The following ANO3 variants were observed in gnomAD, a reference collection of about 807,000 sequenced individuals.
The protein encoded by ANO3 is anoctamin-3.
Under a neutral mutation model 144.8 loss-of-function variants are expected in ANO3, and 99 were observed. The observed-to-expected ratio is 0.68, with a 90% confidence interval of 0.58 to 0.81. The LOEUF (loss-of-function observed/expected upper bound fraction) is 0.81. Among genes scored for constraint, ANO3 ranks in the 30% least tolerant of loss-of-function variants. The pLI, the probability that ANO3 is intolerant of heterozygous loss-of-function variation, is 0.00. For missense variants in ANO3, 905 were observed against 1,202.2 expected (o/e 0.75, Z 3.66); for synonymous variants, 414 against 392.6 (o/e 1.05, Z -0.64).
At chr11:26,540,726 C>G (rs182194653) in intron 10 of ANO3, among the ~76,000 whole-genome samples, 3 of 152,212 alleles carry the variant, frequency 2.0e-5, no homozygotes, top group Non-Finnish European at 4.4e-5. Context: ...TAGAGAAATG[C>G]AAATCAAAAC....
At chr11:26,415,939 T>C (rs1857573417) in intron 1 of ANO3, among the ~76,000 whole-genome samples, 2 of 152,094 alleles carry the variant, frequency 1.3e-5, no homozygotes, top group South Asian at 4.1e-4. Context: ...TCCCTTGAGG[T>C]TTTTGACATT....
At chr11:26,259,449 A>G (rs1467886021) in intron 1 of ANO3, among the ~76,000 whole-genome samples, 2 of 151,946 alleles carry the variant, frequency 1.3e-5, no homozygotes, top group African/African-American at 4.8e-5. Flanking sequence ...AGAGATTGAG[A>G]CCATCCTGGC....
At chr11:26,386,732 C>T (rs1201316402) in intron 1 of ANO3, among the ~76,000 whole-genome samples, 1 of 152,082 alleles carries the variant, frequency 6.6e-6, no homozygotes, top group African/African-American at 2.4e-5. Flanking sequence ...ATTGCAAAGA[C>T]TTGAGAAGCA....
intron 1 of ANO3, among the ~76,000 whole-genome samples, chr11:26,264,386 AG>A (rs1372448412): frequency 6.6e-6 from 1 of 152,240 alleles, no homozygotes; most frequent in African/African-American, 2.4e-5. Context: ...AAAGAAGTTC[AG>A]GGAAACACAC....
intron 1 of ANO3, among the ~76,000 whole-genome samples, chr11:26,379,577 T>G (rs1856527525): frequency 1.3e-5 from 2 of 151,094 alleles, no homozygotes; most frequent in African/African-American, 4.9e-5. Context: ...AGCACAGGAG[T>G]TCAAGACCAG....
chr11:26,552,814 A>C (rs1238953636), intron 12 of ANO3, among the ~76,000 whole-genome samples: 4 of 152,086 alleles, frequency 2.6e-5, no homozygotes, highest in Non-Finnish European at 5.9e-5. Context: ...AACAATATGT[A>C]CTGCAGTGGG....
At position 26,403,296 on chromosome 11, in the gene ANO3, T is replaced by C. The variant is rs572778824; in HGVS notation, c.47-38622T>C. Reference sequence around the variant, plus strand: ...TCTTTTATTGCAATAATAGCAGTCATTGCTGATCATTGTATGGATTCATTA... The same window carrying C: ...TCTTTTATTGCAATAATAGCAGTCACTGCTGATCATTGTATGGATTCATTA... On this transcript the variant is annotated intron_variant, in intron 1 of 26. Transcript: ENST00000256737. Among the ~76,000 whole-genome samples, 48 of 152,040 alleles carry C rather than the reference T, an allele frequency of 3.2e-4. 1 individual carries two copies. Among genetic ancestry groups the C allele is most frequent in the Middle Eastern group, 3.4e-3 (1 of 294 alleles).
rs1554920730 is a variant in ANO3 at position 26,194,448 on chromosome 11, G to GTGTGTGTGTGTGTGTA, written c.154+5133_154+5134insATGTGTGTGTGTGTGT. The stretch of plus-strand genomic sequence containing the variant: ...TTTGTGGGTACATAGTGGTGTGTGT[G>GTGTGTGTGTGTGTGTA]TGTGTGTGTGTGTGTGTGTGTGTGT... On this transcript the variant is annotated intron_variant, in intron 1 of 27. Transcript: ENST00000672621. Among the ~76,000 whole-genome samples the GTGTGTGTGTGTGTGTA allele has an allele frequency of 3.7e-5, 5 of 136,956 alleles. No homozygotes were observed. The East Asian group carries it at 1.0e-3, about 28-fold the overall frequency. 89.8% of individuals were successfully genotyped at this position (136,956 alleles called of 152,430 possible).
intron 1 of ANO3, among the ~76,000 whole-genome samples, chr11:26,361,599 T>C (rs1484036198): frequency 6.6e-6 from 1 of 152,166 alleles, no homozygotes; most frequent in Non-Finnish European, 1.5e-5. Context: ...GTAATTAGGC[T>C]TCTTGTGTCA....
At chr11:26,307,991 T>G (rs1362343892), upstream of ANO3, among the ~76,000 whole-genome samples, 1 of 152,120 alleles carries the variant, frequency 6.6e-6, no homozygotes, top group Non-Finnish European at 1.5e-5. Flanking sequence ...TGTAATTTCC[T>G]TGGTCTACCC....
chr11:26,211,093 C>A (rs1281017463), intron 1 of ANO3, among the ~76,000 whole-genome samples: 1 of 151,980 alleles, frequency 6.6e-6, no homozygotes, highest in African/African-American at 2.4e-5. Flanking sequence ...CTAAAATTGA[C>A]CACATAATTG....
chr11:26,607,229 A>G (rs1851962306), intron 17 of ANO3, among the ~76,000 whole-genome samples: 1 of 152,196 alleles, frequency 6.6e-6, no homozygotes, highest in South Asian at 2.1e-4. Context: ...ACAAAATAAA[A>G]TATTAACATG....
chr11:26,600,764 C>T (rs755320727), intron 17 of ANO3, among the ~76,000 whole-genome samples: 21 of 151,608 alleles, frequency 1.4e-4, no homozygotes, highest in Non-Finnish European at 2.8e-4. Flanking sequence ...GTCTGGCATG[C>T]TGTGGCATTG....
chr11:26,448,256 G>C (rs554577599), intron 3 of ANO3, among the ~76,000 whole-genome samples: 4 of 146,846 alleles, frequency 2.7e-5, no homozygotes, highest in Non-Finnish European at 4.4e-5. Flanking sequence ...CCGAGATCGT[G>C]CCACTGCACT....
At position 26,219,538 on chromosome 11, in the gene ANO3, T is replaced by C. The variant is rs146341884; in HGVS notation, c.154+30208T>C. On this transcript the variant is annotated intron_variant, in intron 1 of 27. Transcript: ENST00000672621. ...TAACCTTTTCTTCAAGACAATATAA[T>C]GTTGAATATTATACCAATTTTCGTG... Among the ~76,000 whole-genome samples the C allele has an allele frequency of 8.1e-3, 1,230 of 152,322 alleles. 6 individuals are homozygous for C. The highest frequency in any genetic ancestry group is 0.012 in the Non-Finnish European group (836 of 68,020).
chr11:26,524,861 G>A (rs912651613), intron 6 of ANO3, among the ~76,000 whole-genome samples: 3 of 152,120 alleles, frequency 2.0e-5, no homozygotes, highest in Non-Finnish European at 2.9e-5. Flanking sequence ...CAAGTTGGTT[G>A]CAGTTATCTA....
intron 1 of ANO3, among the ~76,000 whole-genome samples, chr11:26,383,123 G>C (rs1169552742): frequency 6.6e-6 from 1 of 151,978 alleles, no homozygotes. Flanking sequence ...AATATGCAAA[G>C]AAATAAAGGA....
intron 14 of ANO3, among the ~76,000 whole-genome samples, chr11:26,597,678 A>G (rs867731283): frequency 7.7e-4 from 117 of 152,364 alleles, no homozygotes; most frequent in African/African-American, 2.6e-3. Flanking sequence ...GGGTTGCCCC[A>G]GTACCACAGA....
chr11:26,659,420 G>A (rs781086587), intron 26 of ANO3, among the ~76,000 whole-genome samples: 32 of 151,744 alleles, frequency 2.1e-4, no homozygotes, highest in Non-Finnish European at 4.3e-4. Flanking sequence ...TCGGCCAGGA[G>A]CAGTGTCTCC....
Sources: gnomAD v4.1 joint callset for allele counts (sites outside exome capture counted in the v4.1 genomes callset) on GRCh38, gnomAD v4.1.1 for gene constraint, MANE v1.5 for transcripts, NCBI Gene and HGNC (gene_info 2026-07-23, HGNC 2026-07-21) for gene names.